The following LRRC4B variants were observed in gnomAD, a reference collection of about 807,000 sequenced individuals.
LRRC4B encodes the protein leucine rich repeat containing 4B.
A neutral mutation model predicts 7.3 loss-of-function variants in LRRC4B; 1 was observed. The ratio of observed to expected loss-of-function variants is 0.14; its 90% CI spans 0.05 to 0.65. LRRC4B has a LOEUF of 0.65. Among genes scored for constraint, LRRC4B ranks in the 30% least tolerant of loss-of-function variants. The probability of loss-of-function intolerance (pLI) is 0.84; values close to 1 mark genes in which losing one functional copy is unlikely to be tolerated. For missense variants in LRRC4B, 730 were observed against 1,041.6 expected (o/e 0.70, Z 4.12); for synonymous variants, 500 against 499.2 (o/e 1.00, Z -0.02).
At chr19:50,550,766 G>T (rs1342204530) in intron 1 of LRRC4B, 2 of 152,404 alleles carry the variant, frequency 1.3e-5, no homozygotes, top group African/African-American at 4.8e-5. Context: ...TCTCCTGCAG[G>T]GCTGGGGCCG....
At chr19:50,536,786 A>C (rs779320876) in intron 2 of LRRC4B, among the ~76,000 whole-genome samples, 8 of 152,072 alleles carry the variant, frequency 5.3e-5, no homozygotes, top group Non-Finnish European at 7.4e-5. Flanking sequence ...GACTATTTAA[A>C]GGCAGGGCAA....
intron 2 of LRRC4B, among the ~76,000 whole-genome samples, chr19:50,539,110 C>A (rs1326891171): frequency 6.7e-6 from 1 of 148,648 alleles, no homozygotes; most frequent in Non-Finnish European, 1.5e-5. Flanking sequence ...GAACTCCTGA[C>A]CTTGTGATCC....
In LRRC4B at chr19:50,563,559, C is replaced by A. The variant is rs1262795120; in HGVS notation, c.-36+4385G>T. ...AGGCCCTCCCTCCAGAAACAGCGTC[C>A]GCATCCCAGGTCCTCTAAGGCAGCC... On this transcript the variant is annotated intron_variant, in intron 1 of 2. Transcript: ENST00000652263. The surrounding 1 kb of genome is among the most constrained non-coding windows in gnomAD (Gnocchi z 4.9). Among the ~76,000 whole-genome samples the A allele has an allele frequency of 6.6e-6, 1 of 152,140 alleles. No individual in the cohort carries two copies. The highest frequency in any genetic ancestry group is 2.4e-5 in the African/African-American group (1 of 41,428).
At chr19:50,528,925 C>G (rs1980934571) in intron 2 of LRRC4B, among the ~76,000 whole-genome samples, 1 of 152,270 alleles carries the variant, frequency 6.6e-6, no homozygotes, top group South Asian at 2.1e-4. Context: ...GGTCTCTGCA[C>G]CCAGCCGGAG....
chr19:50,525,920 C>T (rs991532133), intron 2 of LRRC4B, among the ~76,000 whole-genome samples: 1 of 152,144 alleles, frequency 6.6e-6, no homozygotes, highest in Non-Finnish European at 1.5e-5. Flanking sequence ...ATTTGGGAGG[C>T]TGAGGCGGCA....
At chr19:50,524,680 AC>A (rs1241855773) in intron 2 of LRRC4B, among the ~76,000 whole-genome samples, 1 of 152,218 alleles carries the variant, frequency 6.6e-6, no homozygotes, top group African/African-American at 2.4e-5. Context: ...TCTCATTTGA[AC>A]CTGTCATCAG....
chr19:50,530,928 T>TGGC (rs1555806671), intron 2 of LRRC4B, among the ~76,000 whole-genome samples: 11 of 111,772 alleles, frequency 9.8e-5, no homozygotes, highest in Admixed American at 2.5e-4. Flanking sequence ...AGTAGAAACC[T>TGGC]GGGGGGGGGG....
At position 50,517,667 on chromosome 19, in the gene LRRC4B, G is replaced by A; in HGVS notation, c.2046C>T (p.Gly682=). ...AHYSSNPSGG[G]CGGKGPPGLN... Reference sequence around the variant, plus strand: ...GGCCAGGCGGGCCTTTGCCCCCGCAGCCCCCGCCGCTGGGGTTGCTGCTGT... The same window carrying A: ...GGCCAGGCGGGCCTTTGCCCCCGCAACCCCCGCCGCTGGGGTTGCTGCTGT... The change falls in exon 3 of 3, where the codon GGC becomes GGT. Residue 682 remains glycine (G), a synonymous_variant. Transcript: ENST00000652263. This position sits in a 1 kb window ranked among gnomAD's most constrained non-coding sequence, Gnocchi z 6.6. 1 of 1,521,854 alleles carries A rather than the reference G, an allele frequency of 6.6e-7. No homozygotes were observed. The highest frequency in any genetic ancestry group is 8.8e-7 in the Non-Finnish European group (1 of 1,138,474). 94.3% of individuals were successfully genotyped at this position (1,521,854 alleles called of 1,614,324 possible).
rs1277701867 is a variant in LRRC4B, at chr19:50,567,925, C to G, written c.-36+19G>C. The G allele has an allele frequency of 1.5e-5, 2 of 136,108 alleles. No homozygotes were observed. The highest frequency in any genetic ancestry group is 5.3e-5 in the African/African-American group (2 of 37,588). 8.4% of individuals were successfully genotyped at this position (136,108 alleles called of 1,614,324 possible). Reference sequence around the variant, plus strand: ...CTCCGGCCCCCGCCCCCGACCCGTGCCCCTTGGCGGCTACTCACAGCGAGG... The same window carrying G: ...CTCCGGCCCCCGCCCCCGACCCGTGGCCCTTGGCGGCTACTCACAGCGAGG... On this transcript the variant is annotated intron_variant, in intron 1 of 2. Transcript: ENST00000652263.
chr19:50,551,381 G>C (rs568268071), intron 1 of LRRC4B, among the ~76,000 whole-genome samples: 4 of 151,358 alleles, frequency 2.6e-5, no homozygotes, highest in South Asian at 2.1e-4. Flanking sequence ...CCACCCCTGG[G>C]GGGGGCTGTC....
At chr19:50,540,142 ACT>A (rs750523293) in intron 2 of LRRC4B, among the ~76,000 whole-genome samples, 3 of 151,930 alleles carry the variant, frequency 2.0e-5, no homozygotes, top group South Asian at 2.1e-4. Context: ...ATTATTTGAA[ACT>A]CTGTTTTAAA....
At chr19:50,533,524 A>G (rs571677011) in intron 2 of LRRC4B, among the ~76,000 whole-genome samples, 1 of 152,156 alleles carries the variant, frequency 6.6e-6, no homozygotes, top group South Asian at 2.1e-4. Context: ...CAAAGACCAA[A>G]GACCAGTTCA....
At chr19:50,536,661 T>A (rs1233356829) in intron 2 of LRRC4B, among the ~76,000 whole-genome samples, 2 of 152,178 alleles carry the variant, frequency 1.3e-5, no homozygotes, top group Non-Finnish European at 2.9e-5. Context: ...GCTCAGCTCC[T>A]AGACTCGCCA....
chr19:50,521,612 G>C (rs1980581951), intron 2 of LRRC4B, among the ~76,000 whole-genome samples: 1 of 152,092 alleles, frequency 6.6e-6, no homozygotes. Flanking sequence ...ATTTTTAGTA[G>C]AGATGGGGTT....
chr19:50,551,238 C>G (rs1197868506), intron 1 of LRRC4B, among the ~76,000 whole-genome samples: 1 of 151,902 alleles, frequency 6.6e-6, no homozygotes, highest in Non-Finnish European at 1.5e-5. Flanking sequence ...CAGGCCCCCC[C>G]CTCCACATGC....
intron 2 of LRRC4B, among the ~76,000 whole-genome samples, chr19:50,527,730 TTCTC>T (rs946038306): frequency 7.4e-6 from 1 of 134,552 alleles, no homozygotes; most frequent in East Asian, 2.5e-4. Flanking sequence ...CCCTCCCTCT[TTCTC>T]TCTTTCTTTT....
chr19:50,566,192 G>A (rs927148263), intron 1 of LRRC4B, among the ~76,000 whole-genome samples: 3 of 135,540 alleles, frequency 2.2e-5, no homozygotes, highest in African/African-American at 7.9e-5. Context: ...GCCGCGGTCC[G>A]GGGGTGGGGG....
Position 50,528,848 on chromosome 19 carries a change from G to A in LRRC4B, c.298-9433C>T, listed in dbSNP as rs190226812. Among the ~76,000 whole-genome samples, 10 of 152,292 alleles carry A rather than the reference G, an allele frequency of 6.6e-5. No homozygotes were observed. The East Asian group carries it at 1.7e-3, about 27-fold the overall frequency. On this transcript the variant is annotated intron_variant, in intron 2 of 2. Transcript: ENST00000652263. ...GGCCTTGTGGGGCAGGGAGAATGGC[G>A]GAGTACAGCAGGAATGCCTCTGCAG...
At chr19:50,557,638 A>AC (rs1982322260) in intron 1 of LRRC4B, 1 of 134,166 alleles carries the variant, frequency 7.5e-6, no homozygotes, top group Non-Finnish European at 1.6e-5. Context: ...GTGGCCACTC[A>AC]GTTTCCTCAT....
Sources: gnomAD v4.1 joint callset for allele counts (sites outside exome capture counted in the v4.1 genomes callset) on GRCh38, gnomAD v4.1.1 for gene constraint, Gnocchi (gnomAD v3.1) non-coding constraint, MANE v1.5 for transcripts, NCBI Gene and HGNC (gene_info 2026-07-23, HGNC 2026-07-21) for gene names.